The following ATXN7L3 variants were observed in gnomAD, a reference collection of about 807,000 sequenced individuals.
ATXN7L3 encodes the protein ataxin-7-like protein 3.
Under a neutral mutation model 50.0 loss-of-function variants are expected in ATXN7L3, and 6 were observed. The observed-to-expected ratio is 0.12, with a 90% CI of 0.07 to 0.24. The LOEUF (loss-of-function observed/expected upper bound fraction) is 0.24. Among genes scored for constraint, ATXN7L3 ranks in the 10% least tolerant of loss-of-function variants. The pLI, the probability that ATXN7L3 is intolerant of heterozygous loss-of-function variation, is 1.00. For missense variants in ATXN7L3, 322 were observed against 451.3 expected, an observed-to-expected ratio of 0.71 and a Z score of 2.60; for synonymous variants, 198 against 165.8, an observed-to-expected ratio of 1.19 and a Z score of -1.49.
At chr17:44,196,166 G>A (rs893896021) in intron 6 of ATXN7L3, 87 bp from the exon 7 acceptor site, 2 of 1,475,456 alleles carry the variant, frequency 1.4e-6, no homozygotes, top group Non-Finnish European at 1.9e-6. Context: ...ATTTGACAAA[G>A]CAGCATCCTC....
intron 6 of ATXN7L3, 90 bp from the exon 7 acceptor site, chr17:44,196,169 G>A: frequency 6.8e-7 from 1 of 1,468,026 alleles, no homozygotes; most frequent in Non-Finnish European, 9.5e-7. Context: ...TGACAAAGCA[G>A]CATCCTCAAA....
intron 5 of ATXN7L3, among the ~76,000 whole-genome samples, chr17:44,196,690 A>G (rs1039451086): frequency 1.0e-4 from 15 of 147,928 alleles, no homozygotes; most frequent in African/African-American, 3.8e-4. Context: ...ACACAGGAGA[A>G]TCGCTTGAAC....
Position 44,196,409 on chromosome 17 carries a change from C to T in ATXN7L3, c.464G>A (p.Arg155Lys), listed in dbSNP as rs1442051095. 1 of 1,614,072 alleles carries T rather than the reference C, an allele frequency of 6.2e-7. No homozygotes were observed. Among genetic ancestry groups the T allele is most frequent in the East Asian group, 2.2e-5 (1 of 44,868 alleles). ...CCCGGCTCTCACCTTGTCTGACTTT[C>T]TCTTCTTGGCTGTGGGAAACAAAAG... Reference protein sequence around the residue: ...SYGSEKKAKKRKSDKNPNSPR... With the variant: ...SYGSEKKAKKKKSDKNPNSPR... Residue 155 changes from arginine to lysine, a missense_variant, in exon 6 of 13, where the codon AGA becomes AAA. Arg to Lys is a conservative substitution (Grantham distance 26). Around this residue, in one of 5 missense-constraint regions of ATXN7L3, gnomAD observed 95 missense variants for 98.1 expected, o/e 0.97. Transcript: ENST00000587097.
Position 44,194,324 on chromosome 17 carries a change from T to G in ATXN7L3, c.983A>C (p.Lys328Thr). 1 of 1,614,216 alleles carries G rather than the reference T, an allele frequency of 6.2e-7. No homozygotes were observed. Among genetic ancestry groups the G allele is most frequent in the Non-Finnish European group, 8.5e-7 (1 of 1,180,026 alleles). ...TGCCGGTGGCTTTGGCTTCTTCTTCTTGTTGGAACCTAGGCCGGAGGCAGT... is the reference window on the plus strand; with the variant it reads ...TGCCGGTGGCTTTGGCTTCTTCTTCGTGTTGGAACCTAGGCCGGAGGCAGT... ...VGTASGLGSN[K>T]KKKPKPPAPP... is the part of the protein sequence containing the mutation. Residue 328 changes from lysine (K) to threonine (T), a missense_variant, in exon 13 of 13, where the codon AAG (lysine) becomes ACG (threonine). Coordinates refer to ENST00000587097, the MANE Select transcript of ATXN7L3 (RefSeq NM_001382309.1).
rs146231360 is a variant in ATXN7L3, at chr17:44,194,797, G to A, written c.708C>T (p.Thr236=). 485 of 1,614,172 alleles carry A rather than the reference G, an allele frequency of 3.0e-4. 4 individuals are homozygous for A. In the African/African-American group the frequency reaches 5.3e-3, roughly 18 times the overall value. Residue 236 remains threonine, a synonymous_variant, in exon 11 of 13, where the codon ACC becomes ACT. Transcript: ENST00000587097. The part of the protein sequence containing the change: ...CPQHTDEQRR[T]VRIYFLGPSA... ...AGGGCCCGAGAAAATAAATCCGTAC[G>A]GTTCGCCTCTGCTCATCTGTGTGCT...
At chr17:44,195,556 G>C (rs1280960211) in intron 8 of ATXN7L3, 69 bp from the exon 9 acceptor site, 3 of 1,484,824 alleles carry the variant, frequency 2.0e-6, no homozygotes, top group African/African-American at 2.8e-5. Flanking sequence ...GTGGAAGTGA[G>C]AATCAGTCCC....
At chr17:44,195,942 A>T (rs539454751) in intron 7 of ATXN7L3, 92 bp downstream of exon 7, 1 of 1,561,734 alleles carries the variant, frequency 6.4e-7, no homozygotes, top group East Asian at 2.2e-5. Context: ...CCCTCCCTCA[A>T]TTCCCCTATC....
chr17:44,196,888 T>G, intron 5 of ATXN7L3, 41 bp downstream of exon 5: 1 of 1,424,970 alleles, frequency 7.0e-7, no homozygotes, highest in Non-Finnish European at 9.8e-7. Flanking sequence ...GCTTCCCACC[T>G]CATCCCAATG....
In ATXN7L3 at chr17:44,192,583, G is replaced by T. The variant is rs1435445339; in HGVS notation, c.*1680C>A. ...TGGCCTCCTCTCGGAGGGAGACTACGGAGGGCCAAGAATAGAGAAGCCCAG... is the reference window on the plus strand; with the variant it reads ...TGGCCTCCTCTCGGAGGGAGACTACTGAGGGCCAAGAATAGAGAAGCCCAG... On this transcript the variant is annotated 3_prime_UTR_variant, in exon 13 of 13. Coordinates refer to ENST00000587097, the MANE Select transcript of ATXN7L3 (RefSeq NM_001382309.1). The T allele has an allele frequency of 1.3e-5, 2 of 152,178 alleles. No homozygotes were observed. The highest frequency in any genetic ancestry group is 2.9e-5 in the Non-Finnish European group (2 of 68,044). The allele number at this position is 152,178 out of a possible 1,614,324, so 9.4% of individuals were successfully genotyped here.
Position 44,194,597 on chromosome 17 carries a change from A to C in ATXN7L3, c.815T>G (p.Leu272Arg). The change falls in exon 12 of 13, where the codon CTT (leucine) becomes CGT (arginine). Residue 272 changes from leucine (L) to arginine (R), a missense_variant. Transcript: ENST00000587097. ...GAGGTCAGAGGAGCCGTCCCACTGAAGCCGGCTGATCAGGGCCTGGCTGTC... is the reference window on the plus strand; with the variant it reads ...GAGGTCAGAGGAGCCGTCCCACTGACGCCGGCTGATCAGGGCCTGGCTGTC... ...MTDSQALISR[L>R]QWDGSSDLSP... 1 of 1,613,924 alleles carries C rather than the reference A, an allele frequency of 6.2e-7. No individual in the cohort carries two copies. The highest frequency in any genetic ancestry group is 2.2e-5 in the East Asian group (1 of 44,874).
intron 1 of ATXN7L3, chr17:44,199,182 G>A (rs1388196158): frequency 1.3e-5 from 2 of 151,412 alleles, no homozygotes; most frequent in Middle Eastern, 3.4e-3. Context: ...AGCCCCGGCC[G>A]GCCGGGGAGA....
In ATXN7L3 at chr17:44,194,218, G is replaced by A; in HGVS notation, c.*45C>T. On this transcript the variant is annotated 3_prime_UTR_variant, in exon 13 of 13. Transcript: ENST00000587097. ...GGCTATGCCACCTGGGTGGGGGTCA[G>A]GAGAGAGGGCTCTGCTCAGCCAAAG... 1 of 1,604,996 alleles carries A rather than the reference G, an allele frequency of 6.2e-7. No individual in the cohort carries two copies.
chr17:44,198,774 C>G (rs898063092), intron 1 of ATXN7L3: 1 of 152,480 alleles, frequency 6.6e-6, no homozygotes, highest in Non-Finnish European at 1.5e-5. Flanking sequence ...TAGGGTGGCA[C>G]GCCAGGAGCG....
At chr17:44,197,469 CG>C in intron 3 of ATXN7L3, 70 bp from the exon 4 acceptor site, 2 of 1,572,522 alleles carry the variant, frequency 1.3e-6, no homozygotes, top group South Asian at 2.4e-5. Context: ...TGGGGTCCCA[CG>C]GCCTCTTCAA....
In ATXN7L3 at chr17:44,194,201, C is replaced by G; in HGVS notation, c.*62G>C. ...CAGCCGTCCATTTGCCAGGCTATGC[C>G]ACCTGGGTGGGGGTCAGGAGAGAGG... is the stretch of plus-strand genomic sequence containing the variant. On this transcript the variant is annotated 3_prime_UTR_variant, in exon 13 of 13. Transcript: ENST00000587097. 6.4e-7 allele frequency: 1 copy of G among 1,570,372 alleles called. No individual in the cohort carries two copies. Among genetic ancestry groups the G allele is most frequent in the Non-Finnish European group, 8.6e-7 (1 of 1,158,836 alleles).
Position 44,194,068 on chromosome 17 carries a change from C to G in ATXN7L3, c.*195G>C, listed in dbSNP as rs1398010001. ...AATATGTCCAGGTCTGAGTCCTGCA[C>G]GCCGAGGAGTCGTGCTCCATTGCAG... is the stretch of plus-strand genomic sequence containing the variant. On this transcript the variant is annotated 3_prime_UTR_variant, in exon 13 of 13. Transcript: ENST00000587097. The G allele has an allele frequency of 6.0e-6, 4 of 667,964 alleles. No homozygotes were observed. In the South Asian group the frequency reaches 7.7e-5, roughly 13 times the overall value. 41.4% of individuals were successfully genotyped at this position (667,964 alleles called of 1,614,324 possible).
rs115059104 is a variant in ATXN7L3 at position 44,193,554 on chromosome 17, C to T, written c.*709G>A. 1,701 of 152,632 alleles carry T rather than the reference C, an allele frequency of 0.011. 29 individuals are homozygous for T. The highest frequency in any genetic ancestry group is 0.039 in the African/African-American group (1,623 of 41,572). 9.5% of individuals were successfully genotyped at this position (152,632 alleles called of 1,614,324 possible). On this transcript the variant is annotated 3_prime_UTR_variant, in exon 13 of 13. Transcript: ENST00000587097. The stretch of plus-strand genomic sequence containing the variant: ...CTCTTCCTACCCTCCCTTTCCCATT[C>T]CTTGAAGCTGTAGAGGCTGGAGGCC...
rs1241786648 is a variant in ATXN7L3, at chr17:44,196,264, G to A, written c.477+132C>T. The A allele has an allele frequency of 9.3e-5, 25 of 268,724 alleles. No homozygotes were observed. The African/African-American group carries it at 9.3e-4, about 10-fold the overall frequency. 16.6% of individuals were successfully genotyped at this position (268,724 alleles called of 1,614,324 possible). ...TTCCCCACCCACACTCCCCCGCCCC[G>A]GACCCACCAAAGACACCCTCAAGCC... is the stretch of plus-strand genomic sequence containing the variant. On this transcript the variant is annotated intron_variant, in intron 6 of 12. Transcript: ENST00000587097.
At position 44,194,160 on chromosome 17, in the gene ATXN7L3, A is replaced by G; in HGVS notation, c.*103T>C. On this transcript the variant is annotated 3_prime_UTR_variant, in exon 13 of 13. Coordinates refer to ENST00000587097, the MANE Select transcript of ATXN7L3 (RefSeq NM_001382309.1). ...GCCTGCCTGGCCCACCAAGCTTCCC[A>G]AGCCCCAACCCCCAGCAGCCGTCCA... 1 of 1,474,978 alleles carries G rather than the reference A, an allele frequency of 6.8e-7. No individual in the cohort carries two copies. Among genetic ancestry groups the G allele is most frequent in the Non-Finnish European group, 9.1e-7 (1 of 1,097,730 alleles). The allele number at this position is 1,474,978 out of a possible 1,614,324, so 91.4% of individuals were successfully genotyped here. A position where few individuals can be genotyped will look rare whatever the true frequency, so the allele number is the denominator to read the frequency against.
Sources: gnomAD v4.1 joint callset for allele counts (sites outside exome capture counted in the v4.1 genomes callset) on GRCh38, gnomAD v4.1.1 for gene constraint, gnomAD v4.1.1 regional missense constraint, MANE v1.5 for transcripts, NCBI Gene and HGNC (gene_info 2026-07-23, HGNC 2026-07-21) for gene names.